The following PCDHA7 variants were observed in gnomAD, a reference collection of about 807,000 sequenced individuals.
The protein encoded by PCDHA7 is protocadherin alpha 7, also known as protocadherin alpha-7.
In PCDHA7, 37 loss-of-function variants were observed where a neutral mutation model predicts 57.2. The ratio of observed to expected loss-of-function variants is 0.65; its 90% confidence interval spans 0.50 to 0.85. The LOEUF (loss-of-function observed/expected upper bound fraction) is 0.85, where lower values mean the gene tolerates loss of function less well. Among genes scored for constraint, PCDHA7 ranks in the 40% least tolerant of loss-of-function variants. PCDHA7 has a pLI of 0.00. For missense variants in PCDHA7, 1,188 were observed against 1,241.8 expected, an observed-to-expected ratio of 0.96 and a Z score of 0.65; for synonymous variants, 553 against 558.8, an observed-to-expected ratio of 0.99 and a Z score of 0.15.
At chr5:140,894,632 TATC>T (rs1161134901) in intron 1 of PCDHA7, among the ~76,000 whole-genome samples, 1 of 151,990 alleles carries the variant, frequency 6.6e-6, no homozygotes, top group Non-Finnish European at 1.5e-5. Context: ...TCTCCAATCA[TATC>T]ATTACTGAGT....
chr5:140,870,829 G>A, intron 1 of PCDHA7: 1 of 1,613,790 alleles, frequency 6.2e-7, no homozygotes, highest in Non-Finnish European at 8.5e-7. Context: ...GGGAGGCGCA[G>A]TTAACAAGCT....
intron 1 of PCDHA7, among the ~76,000 whole-genome samples, chr5:140,911,380 T>C (rs1365945638): frequency 4.6e-5 from 7 of 152,212 alleles, no homozygotes; most frequent in African/African-American, 1.7e-4. Flanking sequence ...AGGCTGTGCA[T>C]GCACCTTTCA....
intron 1 of PCDHA7, among the ~76,000 whole-genome samples, chr5:140,941,191 T>TTTTTTTCTTTCTTTCTTTC (rs1554213809): frequency 2.1e-5 from 2 of 93,258 alleles, no homozygotes; most frequent in Admixed American, 1.2e-4. Context: ...GCTTCTTTTT[T>TTTTTTTCTTTCTTTCTTTC]TTTCTTTCTT....
chr5:140,898,004 T>C (rs2066460029), intron 1 of PCDHA7, among the ~76,000 whole-genome samples: 1 of 152,210 alleles, frequency 6.6e-6, no homozygotes, highest in East Asian at 1.9e-4. Context: ...GAAGTGTCTG[T>C]TCATATCCTT....
At chr5:140,882,823 T>C (rs2059326985) in intron 1 of PCDHA7, 1 of 1,614,160 alleles carries the variant, frequency 6.2e-7, no homozygotes, top group Non-Finnish European at 8.5e-7. Flanking sequence ...CACAAAACAG[T>C]CTTGAGCAAA....
intron 1 of PCDHA7, chr5:140,842,710 C>A: frequency 1.3e-6 from 2 of 1,595,124 alleles, no homozygotes; most frequent in Non-Finnish European, 1.7e-6. Context: ...ACACGGTGTT[C>A]GTGAAGGAGA....
chr5:140,979,999 C>G (rs1563478157), intron 2 of PCDHA7, among the ~76,000 whole-genome samples: 1 of 152,172 alleles, frequency 6.6e-6, no homozygotes, highest in African/African-American at 2.4e-5. Context: ...TTAACATACT[C>G]TCAAGCATTA....
chr5:140,969,781 A>G (rs1017019880), intron 1 of PCDHA7, among the ~76,000 whole-genome samples: 3 of 152,336 alleles, frequency 2.0e-5, no homozygotes, highest in East Asian at 1.9e-4. Flanking sequence ...AGGGGCTATC[A>G]TAGTCACCAC....
At chr5:140,967,712 G>A in intron 1 of PCDHA7, 2 of 1,614,196 alleles carry the variant, frequency 1.2e-6, no homozygotes, top group Non-Finnish European at 1.7e-6. Flanking sequence ...CAGTACCGGG[G>A]AAGTGCGAGT....
intron 1 of PCDHA7, among the ~76,000 whole-genome samples, chr5:140,910,650 C>T (rs565503828): frequency 6.6e-6 from 1 of 152,312 alleles, no homozygotes; most frequent in East Asian, 1.9e-4. Flanking sequence ...CCTTTTGATC[C>T]CTTCCTCTAC....
At chr5:140,883,636 G>A (rs781839349) in intron 1 of PCDHA7, 5 of 1,613,974 alleles carry the variant, frequency 3.1e-6, no homozygotes, top group South Asian at 2.2e-5. Context: ...CGGCGTTCGC[G>A]CAGCCCGAGT....
chr5:140,848,532 C>T, intron 1 of PCDHA7: 2 of 1,594,974 alleles, frequency 1.3e-6, no homozygotes, highest in Non-Finnish European at 1.7e-6. Context: ...AGAGGGTCAG[C>T]CTCTACTGCT....
At chr5:140,900,498 A>G (rs1554189212) in intron 1 of PCDHA7, among the ~76,000 whole-genome samples, 1 of 152,172 alleles carries the variant, frequency 6.6e-6, no homozygotes, top group Non-Finnish European at 1.5e-5. Context: ...ACTGGTCTCA[A>G]ATTCCCAGCC....
rs151053430 is a variant in PCDHA7 at position 140,849,630 on chromosome 5, G to T, written c.2355+12892G>T. Reference sequence around the variant, plus strand: ...CCTGATTAGTGTGATCGACCTAGACGCAGATGCCAACGGGCAGGTTACCTG... The same window carrying T: ...CCTGATTAGTGTGATCGACCTAGACTCAGATGCCAACGGGCAGGTTACCTG... On this transcript the variant is annotated intron_variant, in intron 1 of 3. Transcript: ENST00000525929. 6.9e-4 allele frequency: 1,103 copies of T among 1,598,686 alleles called. 107 individuals are homozygous for T. Among genetic ancestry groups the T allele is most frequent in the South Asian group, 1.2e-3 (106 of 90,556 alleles).
chr5:140,928,973 T>G (rs782178426), intron 1 of PCDHA7: 3 of 1,613,958 alleles, frequency 1.9e-6, no homozygotes, highest in Non-Finnish European at 2.5e-6. Flanking sequence ...ATTTCCTTTT[T>G]ATTTCTGGGG....
At chr5:140,843,906 T>C in intron 1 of PCDHA7, 1 of 648,462 alleles carries the variant, frequency 1.5e-6, no homozygotes, top group Non-Finnish European at 2.6e-6. Context: ...TCTCCACAAG[T>C]TGGGTCTATC....
At chr5:140,971,715 T>C (rs2096493906) in intron 1 of PCDHA7, among the ~76,000 whole-genome samples, 1 of 152,048 alleles carries the variant, frequency 6.6e-6, no homozygotes. Context: ...TATATAGATA[T>C]ATGTATATCA....
At chr5:140,845,294 A>T (rs2150378014) in intron 1 of PCDHA7, among the ~76,000 whole-genome samples, 1 of 149,472 alleles carries the variant, frequency 6.7e-6, no homozygotes, top group African/African-American at 2.4e-5. Flanking sequence ...TATCCTGTCT[A>T]TGTCTACCTG....
chr5:140,881,625 A>G (rs2058773266), intron 1 of PCDHA7, among the ~76,000 whole-genome samples: 1 of 152,210 alleles, frequency 6.6e-6, no homozygotes, highest in African/African-American at 2.4e-5. Context: ...AAAATCTGAT[A>G]TATCAGTTAC....
Sources: gnomAD v4.1 joint callset for allele counts (sites outside exome capture counted in the v4.1 genomes callset) on GRCh38, gnomAD v4.1.1 for gene constraint, MANE v1.5 for transcripts, NCBI Gene and HGNC (gene_info 2026-07-23, HGNC 2026-07-21) for gene names.